Variants in SLAMF9 observed in about 807,000 individuals in gnomAD.
SLAMF9 encodes CD2 family member 10.
SLAMF9 carries 25 observed loss-of-function variants against 30.4 expected under a neutral mutation model. The ratio of observed to expected loss-of-function variants is 0.82; its 90% CI spans 0.60 to 1.15. SLAMF9 has a LOEUF of 1.15. Ranked by LOEUF, SLAMF9 falls within the 50% of genes most tolerant of loss-of-function variation. SLAMF9 has a pLI of 0.00. For synonymous variants in SLAMF9, 129 were observed against 127.2 expected (o/e 1.01, Z -0.09); for missense variants, 344 against 346.1 (o/e 0.99, Z 0.05).
At chr1:159,965,178 CATT>C in the SLAMF9 span, among the ~76,000 whole-genome samples, 1 of 152,208 alleles carries the variant, frequency 6.6e-6, no homozygotes, top group Non-Finnish European at 1.5e-5. Flanking sequence ...GCGAAGCTTA[CATT>C]ATTGTCAGAG....
chr1:159,954,481 G>A (rs1269758707), upstream of SLAMF9, among the ~76,000 whole-genome samples: 4 of 152,052 alleles, frequency 2.6e-5, no homozygotes, highest in South Asian at 2.1e-4. Context: ...TGCATGCCCC[G>A]AACTCGTAGA....
chr1:159,958,528 A>C (rs1359797535), upstream of SLAMF9, among the ~76,000 whole-genome samples: 1 of 151,504 alleles, frequency 6.6e-6, no homozygotes, highest in Non-Finnish European at 1.5e-5. Context: ...TGGTGCAATC[A>C]TGGCTCACTG....
At chr1:159,969,073 G>A in the SLAMF9 span, among the ~76,000 whole-genome samples, 2 of 152,164 alleles carry the variant, frequency 1.3e-5, no homozygotes, top group African/African-American at 4.8e-5. Flanking sequence ...AGGTAGGGAA[G>A]AGCTTGGGGA....
chr1:159,976,556 A>T, the SLAMF9 span: 2 of 152,226 alleles, frequency 1.3e-5, no homozygotes, highest in Non-Finnish European at 2.9e-5. Flanking sequence ...TTTTTAAAAA[A>T]TTTAATGCAT....
rs1651757370 is a variant in SLAMF9, at chr1:159,951,859, G to T, written c.672C>A (p.Asn224Lys). ...CTGTTGAAGGCTTCTCAGAAGCATAGTTAGGATCTGGGGTGGAAGAAAGGA... is the reference window on the plus strand; with the variant it reads ...CTGTTGAAGGCTTCTCAGAAGCATATTTAGGATCTGGGGTGGAAGAAAGGA... ...IPDGPFYADP[N>K]YASEKPSTAF... Residue 224 changes from asparagine (N) to lysine (K), a missense_variant, in exon 4 of 4, where the codon AAC becomes AAA. Physicochemically the swap from Asn to Lys is moderately conservative, Grantham distance 94 (BLOSUM62 0). Coordinates refer to ENST00000368093, the MANE Select transcript of SLAMF9 (RefSeq NM_033438.4). The T allele has an allele frequency of 6.2e-7, 1 of 1,613,970 alleles. No individual in the cohort carries two copies. The highest frequency in any genetic ancestry group is 8.5e-7 in the Non-Finnish European group (1 of 1,179,986).
upstream of SLAMF9, among the ~76,000 whole-genome samples, chr1:159,958,328 G>A (rs1651974037): frequency 1.3e-5 from 2 of 152,290 alleles, no homozygotes; most frequent in South Asian, 4.1e-4. Context: ...GTCTCCATAA[G>A]TAGGCATAAA....
chr1:159,973,118 G>A, the SLAMF9 span: 7 of 1,527,506 alleles, frequency 4.6e-6, no homozygotes, highest in African/African-American at 5.6e-5. Context: ...GTTCTGGGTG[G>A]GGGCCCCTGT....
At chr1:159,982,610 T>C in the SLAMF9 span, among the ~76,000 whole-genome samples, 7 of 152,222 alleles carry the variant, frequency 4.6e-5, no homozygotes, top group African/African-American at 1.7e-4. Flanking sequence ...CAATTCTTTG[T>C]CTTTTAGGGA....
the SLAMF9 span, among the ~76,000 whole-genome samples, chr1:159,974,288 C>T: frequency 6.6e-6 from 1 of 152,168 alleles, no homozygotes; most frequent in Non-Finnish European, 1.5e-5. Flanking sequence ...CTTCTCTTCC[C>T]ATCTGCCTCT....
chr1:159,959,468 G>A, the SLAMF9 span, among the ~76,000 whole-genome samples: 1 of 152,022 alleles, frequency 6.6e-6, no homozygotes, highest in African/African-American at 2.4e-5. Flanking sequence ...CTCATGGGTG[G>A]CCCTTAGCTA....
the SLAMF9 span, among the ~76,000 whole-genome samples, chr1:159,960,204 C>T: frequency 7.3e-6 from 1 of 137,028 alleles, no homozygotes; most frequent in African/African-American, 2.7e-5. Flanking sequence ...TGTGATGTTC[C>T]CCATCCTGTG....
chr1:159,972,350 T>C, the SLAMF9 span, among the ~76,000 whole-genome samples: 1 of 152,206 alleles, frequency 6.6e-6, no homozygotes, highest in African/African-American at 2.4e-5. Flanking sequence ...ACAACTTCTG[T>C]GGTTGTGAAA....
In SLAMF9 at chr1:159,952,413, G is replaced by A; in HGVS notation, c.513C>T (p.Ser171=). The A allele has an allele frequency of 1.9e-6, 3 of 1,614,074 alleles. No individual in the cohort carries two copies. Among genetic ancestry groups the A allele is most frequent in the Non-Finnish European group, 2.5e-6 (3 of 1,179,998 alleles). The change falls in exon 3 of 4, where the codon TCC becomes TCT. Residue 171 remains serine, a synonymous_variant. Transcript: ENST00000368093. ...AGMDMTYSWL[S]RGDSTYTFHE... ...GGAATGTATAAGTGCTATCCCCCCG[G>A]GAGAGCCAGCTGTAGGTCATATCCA...
At chr1:159,983,731 C>T in the SLAMF9 span, 129,171 of 152,214 alleles carry the variant, frequency 0.85, 56,022 homozygotes, top group East Asian at 1. Context: ...ATAGATGATT[C>T]CTAAGGTCCT....
At chr1:159,956,188 G>T (rs1389802058), upstream of SLAMF9, among the ~76,000 whole-genome samples, 1 of 152,190 alleles carries the variant, frequency 6.6e-6, no homozygotes, top group Non-Finnish European at 1.5e-5. Flanking sequence ...GAAGGAGGCT[G>T]GGCAAGGGAG....
At chr1:159,971,071 C>G in the SLAMF9 span, among the ~76,000 whole-genome samples, 12 of 152,294 alleles carry the variant, frequency 7.9e-5, no homozygotes, top group Middle Eastern at 3.4e-3. Context: ...CTAAATCACA[C>G]GCTGCCCACG....
At chr1:159,963,682 A>T in the SLAMF9 span, among the ~76,000 whole-genome samples, 1 of 152,136 alleles carries the variant, frequency 6.6e-6, no homozygotes, top group Admixed American at 6.5e-5. Flanking sequence ...TCTTGATTGC[A>T]TGTCCTGTGA....
At chr1:159,976,081 G>A in the SLAMF9 span, among the ~76,000 whole-genome samples, 1 of 99,392 alleles carries the variant, frequency 1.0e-5, no homozygotes, top group African/African-American at 3.5e-5. Flanking sequence ...AGGAGTATAG[G>A]TTGTAGTGTG....
chr1:159,965,586 T>A, the SLAMF9 span: 1 of 152,210 alleles, frequency 6.6e-6, no homozygotes, highest in Admixed American at 6.5e-5. Context: ...CCAGGGTGTG[T>A]ACTTCTATGA....
Sources: allele counts gnomAD v4.1 joint callset (sites outside exome capture counted in the v4.1 genomes callset), GRCh38; gene constraint gnomAD v4.1.1; transcripts MANE v1.5; gene names NCBI Gene and HGNC (gene_info 2026-07-23, HGNC 2026-07-21).